Variants in FAM163B observed in about 807,000 individuals in gnomAD.
FAM163B encodes the protein family with sequence similarity 163 member B.
FAM163B carries 4 observed loss-of-function variants against 7.6 expected under a neutral mutation model. The ratio of observed to expected loss-of-function variants is 0.52; its 90% CI spans 0.26 to 1.20. The LOEUF (loss-of-function observed/expected upper bound fraction) is 1.20. FAM163B is among the 50% of genes most tolerant of loss of function. The pLI, the probability that FAM163B is intolerant of heterozygous loss-of-function variation, is 0.14. For missense variants in FAM163B, 250 were observed against 243.0 expected (o/e 1.03, Z -0.19); for synonymous variants, 120 against 111.6 (o/e 1.07, Z -0.47).
rs1438935705 is a variant in FAM163B at position 133,600,080 on chromosome 9, T to G, written c.-24+8997A>C. ...GAGTTTGTGTGTGCATGTGTGTGTG[T>G]CTGTGTGCATGTGTGCCTCTGAATG... is the stretch of plus-strand genomic sequence containing the variant. On this transcript the variant is annotated intron_variant, in intron 1 of 2. Transcript: ENST00000673969. This position sits in a 1 kb window ranked among gnomAD's most constrained non-coding sequence, Gnocchi z 4.9. 8.1e-6 allele frequency among the ~76,000 whole-genome samples: 1 copy of G among 124,126 alleles called. No homozygotes were observed. Among genetic ancestry groups the G allele is most frequent in the Non-Finnish European group, 1.6e-5 (1 of 63,784 alleles). The allele number at this position is 124,126 out of a possible 152,430, so 81.4% of individuals were successfully genotyped here.
At chr9:133,590,926 G>A (rs1831543400) in intron 1 of FAM163B, among the ~76,000 whole-genome samples, 1 of 152,254 alleles carries the variant, frequency 6.6e-6, no homozygotes, top group Non-Finnish European at 1.5e-5. Context: ...CTTTGTGAAG[G>A]AAGCTTCTGG....
intron 1 of FAM163B, among the ~76,000 whole-genome samples, chr9:133,588,875 G>C (rs1298871104): frequency 1.3e-5 from 2 of 151,828 alleles, no homozygotes; most frequent in Non-Finnish European, 2.9e-5. Context: ...GAAGGGAAAA[G>C]GACTGGGTTT....
Position 133,585,330 on chromosome 9 carries a change from G to A in FAM163B, c.-23-5084C>T, listed in dbSNP as rs1005984051. ...ACCTTTCCCTGGCAGGAGACCCCCT[G>A]CTAACCACCATCTGGGCCACACGTC... On this transcript the variant is annotated intron_variant, in intron 1 of 2. Coordinates refer to ENST00000673969, the MANE Select transcript of FAM163B (RefSeq NM_001080515.3). Among the ~76,000 whole-genome samples the A allele has an allele frequency of 7.9e-4, 121 of 152,276 alleles. No homozygotes were observed. In the Middle Eastern group the frequency reaches 0.01, roughly 13 times the overall value.
chr9:133,584,684 C>T (rs1434065339), intron 1 of FAM163B, among the ~76,000 whole-genome samples: 3 of 152,120 alleles, frequency 2.0e-5, no homozygotes, highest in Non-Finnish European at 2.9e-5. Flanking sequence ...GGGGAGGAAC[C>T]GAGGGAAACT....
chr9:133,580,272 A>T, intron 1 of FAM163B, 26 bp from the exon 2 acceptor site: 2 of 1,521,550 alleles, frequency 1.3e-6, no homozygotes, highest in East Asian at 4.5e-5. Flanking sequence ...CCAGCTTTAG[A>T]GCATCACGCT....
chr9:133,579,520 A>T, intron 2 of FAM163B, 91 bp from the exon 3 acceptor site: 1 of 1,458,968 alleles, frequency 6.9e-7, no homozygotes, highest in East Asian at 2.5e-5. Flanking sequence ...GGGAGGGGAG[A>T]TAGGCACGGT....
intron 1 of FAM163B, among the ~76,000 whole-genome samples, chr9:133,592,817 C>T (rs190984037): frequency 3.3e-5 from 5 of 152,118 alleles, no homozygotes; most frequent in South Asian, 2.1e-4. Context: ...AGCAAGCCCC[C>T]GAGAGGATTC....
At chr9:133,585,231 G>C (rs1372661242) in intron 1 of FAM163B, among the ~76,000 whole-genome samples, 1 of 152,190 alleles carries the variant, frequency 6.6e-6, no homozygotes, top group African/African-American at 2.4e-5. Flanking sequence ...CTGGGGGTGG[G>C]GCAGGAAACA....
intron 1 of FAM163B, among the ~76,000 whole-genome samples, chr9:133,593,089 C>T (rs904826041): frequency 3.9e-5 from 6 of 152,216 alleles, no homozygotes; most frequent in Non-Finnish European, 7.3e-5. Flanking sequence ...GGAAGCAGAG[C>T]CGCCCTCTCA....
Position 133,609,318 on chromosome 9 carries a change from C to T in FAM163B, c.-265G>A, listed in dbSNP as rs1831825267. ...CAGCTCCGCGCTGCGGCCGCGACTC[C>T]GGACGCCCCGGCTGGCTCCCTGCGA... On this transcript the variant is annotated 5_prime_UTR_variant, in exon 1 of 3. Transcript: ENST00000673969. Among the ~76,000 whole-genome samples, 2 of 149,654 alleles carry T rather than the reference C, an allele frequency of 1.3e-5. No individual in the cohort carries two copies. Among genetic ancestry groups the T allele is most frequent in the Non-Finnish European group, 1.5e-5 (1 of 67,084 alleles).
chr9:133,579,268 C>A lies in FAM163B; in HGVS notation c.255G>T (p.Pro85=). 1 of 1,612,654 alleles carries A rather than the reference C, an allele frequency of 6.2e-7. No individual in the cohort carries two copies. The highest frequency in any genetic ancestry group is 8.5e-7 in the Non-Finnish European group (1 of 1,179,838). ...TASTSFSQKS[P]QARALCRSCS... is the part of the protein sequence containing the mutation. ...AGCTGCGGCAGAGGGCGCGGGCCTG[C>A]GGGGACTTCTGGCTGAAGGAGGTGG... Residue 85 remains proline (P), a synonymous_variant, in exon 3 of 3, where the codon CCG becomes CCT. Coordinates refer to ENST00000673969, the MANE Select transcript of FAM163B (RefSeq NM_001080515.3).
intron 1 of FAM163B, among the ~76,000 whole-genome samples, chr9:133,580,447 C>G (rs1332988327): frequency 6.6e-6 from 1 of 152,220 alleles, no homozygotes; most frequent in South Asian, 2.1e-4. Context: ...TGTCCCTGCC[C>G]CTCTCCCAGC....
chr9:133,603,343 C>T (rs1395359585), intron 1 of FAM163B, among the ~76,000 whole-genome samples: 2 of 152,162 alleles, frequency 1.3e-5, no homozygotes, highest in African/African-American at 4.8e-5. Flanking sequence ...TCGCTCTTGG[C>T]AAAATAATCA....
At position 133,606,126 on chromosome 9, in the gene FAM163B, G is replaced by C. The variant is rs1340838352; in HGVS notation, c.-24+2951C>G. ...CTTCACTGATGAGGCCCGAGGGAAGGAGGAGGCACAGTCTCCATTTTCCAG... is the reference window on the plus strand; with the variant it reads ...CTTCACTGATGAGGCCCGAGGGAAGCAGGAGGCACAGTCTCCATTTTCCAG... On this transcript the variant is annotated intron_variant, in intron 1 of 2. Coordinates refer to ENST00000673969, the MANE Select transcript of FAM163B (RefSeq NM_001080515.3). The surrounding 1 kb of genome is among the most constrained non-coding windows in gnomAD (Gnocchi z 4.0). Among the ~76,000 whole-genome samples the C allele has an allele frequency of 6.6e-6, 1 of 152,148 alleles. No homozygotes were observed. The highest frequency in any genetic ancestry group is 2.4e-5 in the African/African-American group (1 of 41,434).
Position 133,608,521 on chromosome 9 carries a change from G to A in FAM163B, c.-24+556C>T, listed in dbSNP as rs548289249. On this transcript the variant is annotated intron_variant, in intron 1 of 2. Coordinates refer to ENST00000673969, the MANE Select transcript of FAM163B (RefSeq NM_001080515.3). ...TGAGGTGGTGGTGACAGAGGCCGGCGTGTTTGAGGCCATCTCCACCACTTC... is the reference window on the plus strand; with the variant it reads ...TGAGGTGGTGGTGACAGAGGCCGGCATGTTTGAGGCCATCTCCACCACTTC... Among the ~76,000 whole-genome samples the A allele has an allele frequency of 7.2e-5, 11 of 152,326 alleles. No individual in the cohort carries two copies. The East Asian group carries it at 1.7e-3, about 24-fold the overall frequency.
rs1243237862 is a variant in FAM163B at position 133,577,854 on chromosome 9, G to A, written c.*1168C>T. On this transcript the variant is annotated 3_prime_UTR_variant, in exon 3 of 3. Coordinates refer to ENST00000673969, the MANE Select transcript of FAM163B (RefSeq NM_001080515.3). ...CAGGAGAGCGGGTGAGAATTCCCAG[G>A]AGACCTCAGCCTGGGTGGGCGCTTG... Among the ~76,000 whole-genome samples, 1 of 152,180 alleles carries A rather than the reference G, an allele frequency of 6.6e-6. No homozygotes were observed. Among genetic ancestry groups the A allele is most frequent in the Non-Finnish European group, 1.5e-5 (1 of 68,018 alleles).
rs772227656 is a variant in FAM163B, at chr9:133,579,148, G to T, written c.375C>A (p.Ser125Arg). 4 of 1,609,884 alleles carry T rather than the reference G, an allele frequency of 2.5e-6. No individual in the cohort carries two copies. The Admixed American group carries it at 5.0e-5, about 20-fold the overall frequency. Residue 125 changes from serine to arginine, a missense_variant, in exon 3 of 3, where the codon AGC (serine) becomes AGA (arginine). Coordinates refer to ENST00000673969, the MANE Select transcript of FAM163B (RefSeq NM_001080515.3). Reference protein sequence around the residue: ...LNGGERVLYKSVSQEDVELPP... With the variant: ...LNGGERVLYKRVSQEDVELPP... ...GCAGCTCCACGTCCTCCTGGCTCAC[G>T]CTCTTGTAGAGCACGCGCTCCCCGC...
chr9:133,602,619 G>C lies in FAM163B; in HGVS notation c.-24+6458C>G, dbSNP rs1397121265. Among the ~76,000 whole-genome samples the C allele has an allele frequency of 3.3e-5, 5 of 152,036 alleles. No individual in the cohort carries two copies. The East Asian group carries it at 9.7e-4, about 29-fold the overall frequency. On this transcript the variant is annotated intron_variant, in intron 1 of 2. Transcript: ENST00000673969. ...GGAAAACAGTTTTTTTTTTTAAATA[G>C]AGATCTGTTCAGTAATTAGAGGGAA...
At chr9:133,583,755 G>C (rs1207978679) in intron 1 of FAM163B, among the ~76,000 whole-genome samples, 1 of 152,210 alleles carries the variant, frequency 6.6e-6, no homozygotes, top group Admixed American at 6.5e-5. Flanking sequence ...CTCAGGCCAG[G>C]TGCCCAGGGC....
Sources: gnomAD v4.1 joint callset for allele counts (sites outside exome capture counted in the v4.1 genomes callset) on GRCh38, gnomAD v4.1.1 for gene constraint, Gnocchi (gnomAD v3.1) non-coding constraint, MANE v1.5 for transcripts, NCBI Gene and HGNC (gene_info 2026-07-23, HGNC 2026-07-21) for gene names.